SEC24A: variants seen among roughly 807,000 people sequenced by gnomAD.
SEC24A encodes the protein SEC24 homolog A, COPII component, also known as protein transport protein Sec24A.
Under a neutral mutation model 129.4 loss-of-function variants are expected in SEC24A, and 93 were observed. That is an observed-to-expected ratio of 0.72 (90% CI 0.61 to 0.85). SEC24A has a LOEUF of 0.85. Ranked by LOEUF, SEC24A falls within the 40% of genes least tolerant of loss-of-function variation. SEC24A has a pLI of 0.00. For missense variants in SEC24A, 1,264 were observed against 1,307.4 expected, an observed-to-expected ratio of 0.97 and a Z score of 0.51; for synonymous variants, 460 against 467.3, an observed-to-expected ratio of 0.98 and a Z score of 0.20.
In SEC24A at chr5:134,666,965, G is replaced by A; in HGVS notation, c.708G>A (p.Gln236=). 6.3e-7 allele frequency: 1 copy of A among 1,584,628 alleles called. No homozygotes were observed. Among genetic ancestry groups the A allele is most frequent in the Middle Eastern group, 1.7e-4 (1 of 5,910 alleles). ...PLTSSYRDVP[Q]PLFNSAVNQE... ...CATCATCATATAGAGATGTACCCCA[G>A]CCCTTATTTAATTCAGCTGTCAACC... Residue 236 remains glutamine (Q), a synonymous_variant, in exon 3 of 23, where the codon CAG becomes CAA. Coordinates refer to ENST00000398844, the MANE Select transcript of SEC24A (RefSeq NM_021982.3).
chr5:134,659,721 C>T (rs548730630), intron 1 of SEC24A, among the ~76,000 whole-genome samples: 7 of 148,118 alleles, frequency 4.7e-5, no homozygotes, highest in African/African-American at 1.0e-4. Flanking sequence ...GTGGCGTGAA[C>T]GCAGCTCCCT....
At chr5:134,724,489 G>A (rs1384364768) in intron 22 of SEC24A, among the ~76,000 whole-genome samples, 1 of 152,078 alleles carries the variant, frequency 6.6e-6, no homozygotes, top group Non-Finnish European at 1.5e-5. Context: ...TCGGGAGGCT[G>A]AGGCAGGAGA....
intron 1 of SEC24A, among the ~76,000 whole-genome samples, chr5:134,659,308 G>A (rs1027537462): frequency 3.9e-5 from 6 of 151,902 alleles, no homozygotes; most frequent in East Asian, 3.9e-4. Context: ...TCCTGACCTC[G>A]TGATCCGCCC....
At chr5:134,692,554 TTTAA>T in intron 11 of SEC24A, 44 bp from the exon 12 acceptor site, 2 of 1,001,206 alleles carry the variant, frequency 2.0e-6, no homozygotes, top group Non-Finnish European at 3.1e-6. Context: ...TTGGCACACT[TTTAA>T]TTATTACATT....
chr5:134,666,858 C>G lies in SEC24A; in HGVS notation c.601C>G (p.Pro201Ala). The change falls in exon 3 of 23, where the codon CCT becomes GCT. Residue 201 changes from proline to alanine, a missense_variant. Physicochemically the swap from Pro to Ala is conservative, Grantham distance 27. Transcript: ENST00000398844. ...SVPPLVNPPL[P>A]TTFQPGAPHG... ...ACCTCCCTTAGTGAATCCACCTCTG[C>G]CTACAACTTTTCAACCAGGAGCTCC... The G allele has an allele frequency of 6.2e-7, 1 of 1,614,052 alleles. No homozygotes were observed.
intron 15 of SEC24A, among the ~76,000 whole-genome samples, chr5:134,701,572 G>A (rs543546909): frequency 7.5e-4 from 114 of 151,148 alleles, no homozygotes; most frequent in Non-Finnish European, 1.1e-3. Flanking sequence ...GTGTAATGGC[G>A]CAGTCTCGGC....
At chr5:134,685,472 A>C (rs1751421279) in intron 9 of SEC24A, among the ~76,000 whole-genome samples, 1 of 152,192 alleles carries the variant, frequency 6.6e-6, no homozygotes, top group South Asian at 2.1e-4. Context: ...AGATGATTTA[A>C]AGTATACAAA....
chr5:134,659,146 ACTGCAAGCT>A (rs1371518531), intron 1 of SEC24A, among the ~76,000 whole-genome samples: 2 of 151,100 alleles, frequency 1.3e-5, no homozygotes, highest in Non-Finnish European at 2.9e-5. Context: ...ATGTTGGCTC[ACTGCAAGCT>A]CTGCCTCCTG....
intron 17 of SEC24A, among the ~76,000 whole-genome samples, chr5:134,707,127 A>G (rs1752188382): frequency 6.6e-6 from 1 of 152,250 alleles, no homozygotes. Flanking sequence ...GTGAGTCACC[A>G]CACCCGGCCT....
At chr5:134,660,700 C>T (rs1052549622) in intron 1 of SEC24A, among the ~76,000 whole-genome samples, 6 of 151,554 alleles carry the variant, frequency 4.0e-5, no homozygotes, top group Non-Finnish European at 7.4e-5. Context: ...AGACTACAGG[C>T]GCATACCATC....
chr5:134,720,955 TTATG>T (rs767728147), intron 20 of SEC24A, 39 bp from the exon 21 acceptor site: 2 of 1,074,526 alleles, frequency 1.9e-6, no homozygotes, highest in African/African-American at 3.1e-5. Context: ...AGACTCACCT[TTATG>T]TATGCTGCAT....
chr5:134,681,161 G>C (rs1751254730), intron 8 of SEC24A, among the ~76,000 whole-genome samples: 1 of 151,658 alleles, frequency 6.6e-6, no homozygotes, highest in Admixed American at 6.6e-5. Flanking sequence ...ACTTTGGGAG[G>C]CTGAGGTGGG....
intron 15 of SEC24A, among the ~76,000 whole-genome samples, chr5:134,699,534 G>C (rs1251463963): frequency 1.3e-5 from 2 of 151,416 alleles, no homozygotes; most frequent in African/African-American, 4.9e-5. Flanking sequence ...CTCCTGATCT[G>C]GTGATCCGTC....
At chr5:134,703,267 G>GT (rs1158118343) in intron 15 of SEC24A, among the ~76,000 whole-genome samples, 1 of 151,948 alleles carries the variant, frequency 6.6e-6, no homozygotes, top group Non-Finnish European at 1.5e-5. Context: ...GTCCAAAAAT[G>GT]TTTTTTGTGT....
At chr5:134,668,679 T>C (rs1294371265) in intron 3 of SEC24A, among the ~76,000 whole-genome samples, 1 of 151,058 alleles carries the variant, frequency 6.6e-6, no homozygotes, top group African/African-American at 2.4e-5. Flanking sequence ...TGAGCCAAGA[T>C]GGCATGATCG....
At chr5:134,716,734 G>A (rs1293203412) in intron 19 of SEC24A, among the ~76,000 whole-genome samples, 1 of 148,390 alleles carries the variant, frequency 6.7e-6, no homozygotes, top group Non-Finnish European at 1.5e-5. Flanking sequence ...GGAGGCAAAG[G>A]TCGCAGTGAG....
chr5:134,718,730 G>C (rs550475093), intron 20 of SEC24A, among the ~76,000 whole-genome samples: 1 of 152,176 alleles, frequency 6.6e-6, no homozygotes, highest in South Asian at 2.1e-4. Context: ...CCAGCACTTT[G>C]GGAGGCCGAG....
Position 134,682,361 on chromosome 5 carries a change from A to G in SEC24A, c.1382-12A>G. The G allele has an allele frequency of 7.0e-7, 1 of 1,427,058 alleles. No homozygotes were observed. Among genetic ancestry groups the G allele is most frequent in the Non-Finnish European group, 9.8e-7 (1 of 1,022,294 alleles). 88.4% of individuals were successfully genotyped at this position (1,427,058 alleles called of 1,614,324 possible). ...CAGTTTTTTCAATATGTGTATTGTT[A>G]ACTTTATATAGTTCCTGAAGAATTC... On this transcript the variant is annotated splice_polypyrimidine_tract_variant and intron_variant, in intron 8 of 22. Transcript: ENST00000398844.
At chr5:134,699,342 A>C (rs936786860) in intron 15 of SEC24A, among the ~76,000 whole-genome samples, 1 of 145,812 alleles carries the variant, frequency 6.9e-6, no homozygotes, top group Admixed American at 7.0e-5. Context: ...TCTGTCGTCC[A>C]GGCTGGAGTG....
Sources: allele counts gnomAD v4.1 joint callset (sites outside exome capture counted in the v4.1 genomes callset), GRCh38; gene constraint gnomAD v4.1.1; transcripts MANE v1.5; gene names NCBI Gene and HGNC (gene_info 2026-07-23, HGNC 2026-07-21).